Variants in RBBP7 observed in about 807,000 individuals in gnomAD.
RBBP7 encodes the protein RB binding protein 7, chromatin remodeling factor.
In RBBP7, 5 loss-of-function variants were observed where a neutral mutation model predicts 35.2. The observed-to-expected ratio is 0.14, with a 90% CI of 0.07 to 0.30. RBBP7 has a LOEUF of 0.30. Ranked by LOEUF, RBBP7 falls within the 10% of genes least tolerant of loss-of-function variation. The probability of loss-of-function intolerance (pLI) is 1.00; values close to 1 mark genes in which losing one functional copy is unlikely to be tolerated. For synonymous variants in RBBP7, 140 were observed against 118.7 expected (o/e 1.18, Z -1.17); for missense variants, 155 against 327.5 (o/e 0.47, Z 4.07).
At chrX:16,849,142 G>T in intron 10 of RBBP7, 102 bp downstream of exon 10, 1 of 789,567 alleles carries the variant, frequency 1.3e-6, no homozygotes, top group South Asian at 3.0e-5. Flanking sequence ...GAAACCATCT[G>T]CAAGAGCTAG....
intron 2 of RBBP7, among the ~76,000 whole-genome samples, chrX:16,867,180 C>T (rs986859446): frequency 1.8e-5 from 2 of 111,404 alleles, no homozygotes; most frequent in African/African-American, 6.5e-5. Flanking sequence ...CATGCATGAT[C>T]TTATTTCATT....
chrX:16,870,166 C>A lies in RBBP7; in HGVS notation c.-113G>T. 1 of 932,720 alleles carries A rather than the reference C, an allele frequency of 1.1e-6. No individual in the cohort carries two copies. The highest frequency in any genetic ancestry group is 1.4e-6 in the Non-Finnish European group (1 of 737,546). 76.9% of individuals were successfully genotyped at this position (932,720 alleles called of 1,213,427 possible). On this transcript the variant is annotated 5_prime_UTR_variant, in exon 1 of 12. Transcript: ENST00000380087. The stretch of plus-strand genomic sequence containing the variant: ...CCAAGCGCGTCACACTCCCCACTGT[C>A]GAAAGCCCGGGCCCCGTCTTGCTGC...
intron 6 of RBBP7, 163 bp from the exon 7 acceptor site, chrX:16,853,038 C>T (rs1240231766): frequency 8.9e-6 from 7 of 784,485 alleles, no homozygotes; most frequent in African/African-American, 4.2e-5. Context: ...CTAAATGATA[C>T]ATTCGAAACC....
At chrX:16,869,802 G>A (rs1212506782) in intron 1 of RBBP7, 8 of 923,411 alleles carry the variant, frequency 8.7e-6, no homozygotes, top group East Asian at 4.7e-5. Flanking sequence ...GCTGGAGGAG[G>A]GAAGGGAAGA....
intron 3 of RBBP7, among the ~76,000 whole-genome samples, chrX:16,860,610 G>A (rs1469941082): frequency 1.9e-5 from 2 of 106,248 alleles, no homozygotes; most frequent in African/African-American, 6.9e-5. Context: ...GGAGGCAGAG[G>A]TTGCAGTGAG....
intron 6 of RBBP7, chrX:16,853,183 T>G (rs1478265206): frequency 4.0e-6 from 1 of 249,938 alleles, no homozygotes; most frequent in Non-Finnish European, 7.1e-6. Flanking sequence ...AAAACTAGTT[T>G]TGACAAATGC....
chrX:16,858,608 C>T, intron 4 of RBBP7, 68 bp downstream of exon 4: 1 of 1,166,417 alleles, frequency 8.6e-7, no homozygotes, highest in Non-Finnish European at 1.1e-6. Context: ...CTACTTTGAC[C>T]TTAAAAACAT....
intron 5 of RBBP7, 22 bp downstream of exon 5, chrX:16,857,572 T>G: frequency 8.3e-7 from 1 of 1,209,836 alleles, no homozygotes; most frequent in Non-Finnish European, 1.1e-6. Flanking sequence ...TATGAACAAA[T>G]TACAAAGAAT....
chrX:16,849,534 A>G (rs1462818714), intron 9 of RBBP7, among the ~76,000 whole-genome samples: 1 of 111,433 alleles, frequency 9.0e-6, no homozygotes, highest in Non-Finnish European at 1.9e-5. Flanking sequence ...ACTGTGCACT[A>G]CAGCCTTGAA....
chrX:16,850,273 G>A (rs1415146861), intron 9 of RBBP7, among the ~76,000 whole-genome samples: 1 of 112,859 alleles, frequency 8.9e-6, no homozygotes, highest in Non-Finnish European at 1.9e-5. Flanking sequence ...CTGGGTTCAA[G>A]CGATCCTCCT....
rs930942601 is a variant in RBBP7, at chrX:16,850,880, C to T, written c.1040+1166G>A. Among the ~76,000 whole-genome samples the T allele has an allele frequency of 7.1e-5, 8 of 112,023 alleles. No individual in the cohort carries two copies. In the Admixed American group the frequency reaches 7.6e-4, roughly 11 times the overall value. Reference sequence around the variant, plus strand: ...TTGGGAGGCCAAGGCGGGAGAATCACGTGGGGTCAGGAGTCTGAGACCAGC... The same window carrying T: ...TTGGGAGGCCAAGGCGGGAGAATCATGTGGGGTCAGGAGTCTGAGACCAGC... On this transcript the variant is annotated intron_variant, in intron 9 of 11. Coordinates refer to ENST00000380087, the MANE Select transcript of RBBP7 (RefSeq NM_002893.4).
At chrX:16,854,438 T>C (rs894925163) in intron 5 of RBBP7, among the ~76,000 whole-genome samples, 4 of 110,180 alleles carry the variant, frequency 3.6e-5, no homozygotes, top group Non-Finnish European at 7.6e-5. Flanking sequence ...GACATTCAAG[T>C]ACCCCAAATT....
At chrX:16,845,341 A>G (rs1930044936) in intron 11 of RBBP7, among the ~76,000 whole-genome samples, 1 of 112,397 alleles carries the variant, frequency 8.9e-6, no homozygotes, top group South Asian at 3.7e-4. Flanking sequence ...ACTGTTCATA[A>G]GAGATGTTTT....
intron 2 of RBBP7, 33 bp from the exon 3 acceptor site, chrX:16,863,133 C>G: frequency 1.7e-6 from 2 of 1,172,156 alleles, no homozygotes; most frequent in Non-Finnish European, 2.3e-6. Context: ...CACACTAATC[C>G]TACAAGAAAT....
In RBBP7 at chrX:16,852,878, A is replaced by G; in HGVS notation, c.759-3T>C. The G allele has an allele frequency of 1.7e-6, 2 of 1,211,483 alleles. No homozygotes were observed. The highest frequency in any genetic ancestry group is 2.2e-6 in the Non-Finnish European group (2 of 895,486). ...TGGTATTGGACCTGGTGTCCCATCT[A>G]AAACACAAAGGTAAAGGCACACGGC... On this transcript the variant is annotated splice_region_variant and splice_polypyrimidine_tract_variant and intron_variant, in intron 6 of 11. Transcript: ENST00000380087.
At chrX:16,853,982 A>C in intron 5 of RBBP7, 140 bp from the exon 6 acceptor site, 2 of 454,551 alleles carry the variant, frequency 4.4e-6, no homozygotes, top group Non-Finnish European at 6.4e-6. Flanking sequence ...TCCAGGGCTC[A>C]AGCGATTCTC....
At chrX:16,858,447 T>G (rs1930398119) in intron 4 of RBBP7, among the ~76,000 whole-genome samples, 1 of 112,086 alleles carries the variant, frequency 8.9e-6, no homozygotes, top group Non-Finnish European at 1.9e-5. Context: ...GTGTATCTTT[T>G]TCTTCCTACT....
chrX:16,854,007 T>C (rs1049045390), intron 5 of RBBP7, among the ~76,000 whole-genome samples, 165 bp from the exon 6 acceptor site: 1 of 110,066 alleles, frequency 9.1e-6, no homozygotes, highest in Non-Finnish European at 1.9e-5. Context: ...CTCAGCCTCC[T>C]GAGCTGGGAT....
chrX:16,864,026 ATT>A (rs59133449), intron 2 of RBBP7, among the ~76,000 whole-genome samples: 83 of 103,845 alleles, frequency 8.0e-4, no homozygotes, highest in African/African-American at 2.7e-3. Flanking sequence ...AAAGGATTCA[ATT>A]TTTTTTTTTT....
Sources: allele counts gnomAD v4.1 joint callset (sites outside exome capture counted in the v4.1 genomes callset), GRCh38; gene constraint gnomAD v4.1.1; transcripts MANE v1.5; gene names NCBI Gene and HGNC (gene_info 2026-07-23, HGNC 2026-07-21).